Variants in SART3 observed in about 807,000 individuals in gnomAD.
SART3 encodes spliceosome associated factor 3, U4/U6 recycling protein.
A neutral mutation model predicts 122.3 loss-of-function variants in SART3; 44 were observed. The observed-to-expected ratio is 0.36, with a 90% confidence interval of 0.28 to 0.46. The LOEUF is 0.46. SART3 is among the 20% of genes least tolerant of loss of function. SART3 has a pLI of 1.00. For synonymous variants in SART3, 442 were observed against 454.0 expected, an observed-to-expected ratio of 0.97 and a Z score of 0.34; for missense variants, 1,101 against 1,229.0, an observed-to-expected ratio of 0.90 and a Z score of 1.56.
Position 108,543,010 on chromosome 12 carries a change from AAAG to A in SART3, c.906+15_906+17del. 1 of 1,614,194 alleles carries A rather than the reference AAAG, an allele frequency of 6.2e-7. No homozygotes were observed. The highest frequency in any genetic ancestry group is 8.5e-7 in the Non-Finnish European group (1 of 1,180,024). On this transcript the variant is annotated intron_variant, in intron 6 of 18. Transcript: ENST00000546815. ...GGTTTGTAGAGAGACGTTTACTATA[AAAG>A]AAGCCAACACTTACCAGTGCTTCTT... is the stretch of plus-strand genomic sequence containing the variant.
chr12:108,542,775 GGGAGAGGGAGGAGGAGGCAATC>G (rs1873227249), intron 6 of SART3: 2 of 577,482 alleles, frequency 3.5e-6, no homozygotes, highest in Admixed American at 4.4e-5. Flanking sequence ...ATTACCTCTC[GGGAGAGGGAGGAGGAGGCAATC>G]GGAGAGGGGC....
At chr12:108,548,897 T>G (rs1430718918) in intron 2 of SART3, among the ~76,000 whole-genome samples, 191 bp downstream of exon 2, 1 of 152,250 alleles carries the variant, frequency 6.6e-6, no homozygotes, top group Non-Finnish European at 1.5e-5. Flanking sequence ...AAAATCCGTG[T>G]TATATGATCA....
chr12:108,543,277 T>C (rs1293521104), intron 5 of SART3, 125 bp from the exon 6 acceptor site: 1 of 1,154,778 alleles, frequency 8.7e-7, no homozygotes, highest in Non-Finnish European at 1.2e-6. Context: ...CAGCTCTTAC[T>C]GATCAAATTC....
In SART3 at chr12:108,536,495, A is replaced by G. The variant is rs770858239; in HGVS notation, c.1446+19T>C. ...AAACAATGATGGATGAAAGTGCTAG[A>G]TGTGTCAAAAACATTTACCTCAATC... On this transcript the variant is annotated intron_variant, in intron 11 of 18. Transcript: ENST00000546815. 5.0e-6 allele frequency: 8 copies of G among 1,612,576 alleles called. No homozygotes were observed. Among genetic ancestry groups the G allele is most frequent in the Middle Eastern group, 3.3e-4 (2 of 6,062 alleles).
intron 15 of SART3, among the ~76,000 whole-genome samples, chr12:108,528,379 A>G (rs891368636): frequency 1.3e-5 from 2 of 151,398 alleles, no homozygotes; most frequent in Admixed American, 1.3e-4. Flanking sequence ...GCTACTTGGA[A>G]GGCTGAAGGA....
At chr12:108,531,975 T>TC (rs1157400401) in intron 13 of SART3, 16 of 481,462 alleles carry the variant, frequency 3.3e-5, no homozygotes, top group Non-Finnish European at 5.0e-5. Context: ...TAACGCACAG[T>TC]CCCCCCCACA....
At chr12:108,530,680 C>A (rs930338964) in intron 14 of SART3, among the ~76,000 whole-genome samples, 2 of 152,130 alleles carry the variant, frequency 1.3e-5, no homozygotes, top group Middle Eastern at 3.4e-3. Context: ...CATGGTGAAA[C>A]CCCATCTCTA....
intron 18 of SART3, 126 bp downstream of exon 18, chr12:108,524,190 G>C: frequency 1.2e-6 from 1 of 868,392 alleles, no homozygotes; most frequent in South Asian, 1.4e-5. Flanking sequence ...TTACCACAAG[G>C]AACAGCACAT....
At chr12:108,536,031 G>C (rs1196011280) in intron 11 of SART3, among the ~76,000 whole-genome samples, 1 of 152,118 alleles carries the variant, frequency 6.6e-6, no homozygotes, top group African/African-American at 2.4e-5. Context: ...GGGAGGTTCC[G>C]TGTCTTACTG....
At chr12:108,552,542 C>CAAAAAAAAA (rs202116633) in intron 1 of SART3, among the ~76,000 whole-genome samples, 1 of 130,828 alleles carries the variant, frequency 7.6e-6, no homozygotes, top group African/African-American at 2.8e-5. Flanking sequence ...CATACAAAAA[C>CAAAAAAAAA]AAAAAAAAAA....
At position 108,548,252 on chromosome 12, in the gene SART3, C is replaced by T. The variant is rs138939720; in HGVS notation, c.440-261G>A. Among the ~76,000 whole-genome samples, 1,096 of 152,344 alleles carry T rather than the reference C, an allele frequency of 7.2e-3. 9 individuals are homozygous for T. Among genetic ancestry groups the T allele is most frequent in the African/African-American group, 0.025 (1,041 of 41,576 alleles). On this transcript the variant is annotated intron_variant, in intron 2 of 18. Transcript: ENST00000546815. ...AGCACTTTTCTCATTCAGTCTTTAT[C>T]ACAATCCTGTAAGGTTGGTGATAGT...
At chr12:108,542,990 G>A in intron 6 of SART3, 38 bp downstream of exon 6, 5 of 1,613,782 alleles carry the variant, frequency 3.1e-6, no homozygotes, top group Non-Finnish European at 4.2e-6. Flanking sequence ...GGAAAGGTTT[G>A]TAGAGAGACG....
intron 9 of SART3, 51 bp downstream of exon 9, chr12:108,537,437 T>C (rs780911297): frequency 4.9e-6 from 7 of 1,421,354 alleles, no homozygotes; most frequent in Middle Eastern, 1.8e-4. Context: ...TCGCCAAAAG[T>C]TGTATTAAGA....
At position 108,545,128 on chromosome 12, in the gene SART3, C is replaced by T; in HGVS notation, c.729+11G>A. 1 of 1,613,876 alleles carries T rather than the reference C, an allele frequency of 6.2e-7. No individual in the cohort carries two copies. Among genetic ancestry groups the T allele is most frequent in the Non-Finnish European group, 8.5e-7 (1 of 1,179,810 alleles). ...GCCCCAACCCGTTCAGAGACAACCA[C>T]AGGTACTCACCCGAGCAGCTTCCAC... On this transcript the variant is annotated intron_variant, in intron 4 of 18. Transcript: ENST00000546815.
chr12:108,549,825 C>T (rs1443088923), intron 1 of SART3, among the ~76,000 whole-genome samples: 1 of 151,750 alleles, frequency 6.6e-6, no homozygotes, highest in Non-Finnish European at 1.5e-5. Flanking sequence ...AGACCAGCCT[C>T]AGCAACACAG....
At position 108,560,967 on chromosome 12, in the gene SART3, C is replaced by T; in HGVS notation, c.188G>A (p.Ser63Asn). The T allele has an allele frequency of 6.2e-7, 1 of 1,614,146 alleles. No homozygotes were observed. Among genetic ancestry groups the T allele is most frequent in the Non-Finnish European group, 8.5e-7 (1 of 1,180,020 alleles). The change falls in exon 1 of 19, where the codon AGC becomes AAC. Residue 63 changes from serine to asparagine, a missense_variant. This residue lies in a region of SART3 where 216 missense variants were observed against 148.9 expected (regional missense o/e 1.45). Coordinates refer to ENST00000546815, the MANE Select transcript of SART3 (RefSeq NM_014706.4). ...GGCGTACTCATCCCCATCGCTCTCGCTCACGCCTTCCTCCTGCTGATCCCA... is the reference window on the plus strand; with the variant it reads ...GGCGTACTCATCCCCATCGCTCTCGTTCACGCCTTCCTCCTGCTGATCCCA... ...PAWDQQEEGV[S>N]ESDGDEYAMA...
rs750041162 is a variant in SART3 at position 108,552,536 on chromosome 12, C to CA, written c.313-3323dup. Among the ~76,000 whole-genome samples the CA allele has an allele frequency of 1.2e-4, 14 of 114,354 alleles. No homozygotes were observed. The South Asian group carries it at 1.6e-3, about 13-fold the overall frequency. The allele number at this position is 114,354 out of a possible 152,430, so 75.0% of individuals were successfully genotyped here. A position where few individuals can be genotyped will look rare whatever the true frequency, so the allele number is the denominator to read the frequency against. ...GGTCACAGAATATAAGATAAACATA[C>CA]AAAAACAAAAAAAAAAACAAAAGAA... On this transcript the variant is annotated intron_variant, in intron 1 of 18. Transcript: ENST00000546815.
chr12:108,531,709 A>T (rs1410939989), intron 13 of SART3: 1 of 258,180 alleles, frequency 3.9e-6, no homozygotes, highest in Non-Finnish European at 7.6e-6. Context: ...TTATTTTTCT[A>T]TTGGTTCTAG....
intron 5 of SART3, 128 bp downstream of exon 5, chr12:108,544,299 C>T (rs927901777): frequency 1.2e-6 from 1 of 857,088 alleles, no homozygotes. Flanking sequence ...GAGACAATAT[C>T]CAAGGAGAGT....
Sources: allele counts gnomAD v4.1 joint callset (sites outside exome capture counted in the v4.1 genomes callset), GRCh38; gene constraint gnomAD v4.1.1; regional missense constraint gnomAD v4.1.1; transcripts MANE v1.5; gene names NCBI Gene and HGNC (gene_info 2026-07-23, HGNC 2026-07-21).